IGF2BP1: variants seen among roughly 807,000 people sequenced by gnomAD.
IGF2BP1 encodes insulin like growth factor 2 mRNA binding protein 1.
In IGF2BP1, 11 loss-of-function variants were observed where a neutral mutation model predicts 74.9. That is an observed-to-expected ratio of 0.15 (90% CI 0.09 to 0.24). The LOEUF (loss-of-function observed/expected upper bound fraction) is 0.24, where lower values mean the gene tolerates loss of function less well. Ranked by LOEUF, IGF2BP1 falls within the 10% of genes least tolerant of loss-of-function variation. The pLI is 1.00. For missense variants in IGF2BP1, 440 were observed against 757.4 expected (o/e 0.58, Z 4.92); for synonymous variants, 287 against 281.8 (o/e 1.02, Z -0.18).
rs924490810 is a variant in IGF2BP1, at chr17:49,050,290, G to A, written c.*846G>A. The stretch of plus-strand genomic sequence containing the variant: ...TAGGTGGTATTGAATGCTCAGCAGG[G>A]TAGGGGCTGACCACTGTCCCTGATT... On this transcript the variant is annotated 3_prime_UTR_variant, in exon 15 of 15. Coordinates refer to ENST00000290341, the MANE Select transcript of IGF2BP1 (RefSeq NM_006546.4). 3.9e-5 allele frequency: 6 copies of A among 152,624 alleles called. No individual in the cohort carries two copies. Among genetic ancestry groups the A allele is most frequent in the Non-Finnish European group, 8.8e-5 (6 of 68,054 alleles). 9.5% of individuals were successfully genotyped at this position (152,624 alleles called of 1,614,324 possible). A position where few individuals can be genotyped will look rare whatever the true frequency, so the allele number is the denominator to read the frequency against.
chr17:49,011,307 T>G (rs1169354813), intron 2 of IGF2BP1, among the ~76,000 whole-genome samples: 3 of 152,080 alleles, frequency 2.0e-5, no homozygotes, highest in Non-Finnish European at 4.4e-5. Flanking sequence ...CACTCCTGTT[T>G]ATTTCTCTTC....
At chr17:48,998,272 C>T (rs2041433879) in intron 1 of IGF2BP1, among the ~76,000 whole-genome samples, 1 of 152,162 alleles carries the variant, frequency 6.6e-6, no homozygotes, top group African/African-American at 2.4e-5. Flanking sequence ...ATTTCCACGC[C>T]CAGCCCCTCC....
chr17:49,030,868 A>C (rs569882303), intron 4 of IGF2BP1, among the ~76,000 whole-genome samples: 1 of 152,158 alleles, frequency 6.6e-6, no homozygotes, highest in East Asian at 1.9e-4. Flanking sequence ...ACCTCAGGTG[A>C]TCTACCCGCC....
At chr17:49,010,551 C>A (rs192419469) in intron 2 of IGF2BP1, among the ~76,000 whole-genome samples, 1 of 151,994 alleles carries the variant, frequency 6.6e-6, no homozygotes. Flanking sequence ...CTCCTGACCT[C>A]GTGATCTGCC....
In IGF2BP1 at chr17:49,025,633, A is replaced by G. The variant is rs749491387; in HGVS notation, c.252A>G (p.Gln84=). 13 of 1,612,692 alleles carry G rather than the reference A, an allele frequency of 8.1e-6. No homozygotes were observed. The highest frequency in any genetic ancestry group is 1.3e-5 in the African/African-American group (1 of 74,918). The change falls in exon 3 of 15, where the codon CAA becomes CAG. Residue 84 remains glutamine, a synonymous_variant. Transcript: ENST00000290341. ...TTACTTTCAGGAGCCGGAAAATTCA[A>G]ATCCGAAATATTCCACCCCAGCTCC... ...VPKKQRSRKI[Q]IRNIPPQLRW...
chr17:49,017,010 T>C (rs1484741098), intron 2 of IGF2BP1, among the ~76,000 whole-genome samples: 1 of 149,766 alleles, frequency 6.7e-6, no homozygotes, highest in Non-Finnish European at 1.5e-5. Flanking sequence ...TCACCGCCTC[T>C]CCACCCTGTA....
chr17:49,003,199 C>A (rs780995873), intron 2 of IGF2BP1, among the ~76,000 whole-genome samples: 3 of 152,040 alleles, frequency 2.0e-5, no homozygotes, highest in Non-Finnish European at 4.4e-5. Context: ...ATTGGAAGAA[C>A]CTTGATTCAA....
At chr17:48,997,075 T>C (rs1194400368), upstream of IGF2BP1, among the ~76,000 whole-genome samples, 1 of 152,076 alleles carries the variant, frequency 6.6e-6, no homozygotes, top group Non-Finnish European at 1.5e-5. This position sits in a 1 kb window ranked among gnomAD's most constrained non-coding sequence, Gnocchi z 4.8. Flanking sequence ...ATTTTACCCT[T>C]TAAGACATGT....
intron 5 of IGF2BP1, 124 bp downstream of exon 5, chr17:49,032,097 A>G (rs2041928721): frequency 2.6e-6 from 2 of 782,104 alleles, no homozygotes; most frequent in East Asian, 2.5e-5. Context: ...CAGGGTTCTG[A>G]TATTAGCCCA....
rs115456809 is a variant in IGF2BP1 at position 49,048,017 on chromosome 17, C to T, written c.1642-1335C>T. Among the ~76,000 whole-genome samples the T allele has an allele frequency of 7.2e-3, 1,102 of 152,250 alleles. 12 individuals are homozygous for T. The highest frequency in any genetic ancestry group is 0.025 in the African/African-American group (1,050 of 41,536). On this transcript the variant is annotated intron_variant, in intron 14 of 14. Coordinates refer to ENST00000290341, the MANE Select transcript of IGF2BP1 (RefSeq NM_006546.4). ...AGGCATGAGCCACAATGCCCAGCCTCAGCTGCTTCTTTAACCAGGAAAGGA... is the reference window on the plus strand; with the variant it reads ...AGGCATGAGCCACAATGCCCAGCCTTAGCTGCTTCTTTAACCAGGAAAGGA...
intron 2 of IGF2BP1, among the ~76,000 whole-genome samples, chr17:49,008,159 T>G: frequency 7.1e-6 from 1 of 141,296 alleles, no homozygotes; most frequent in Non-Finnish European, 1.5e-5. Flanking sequence ...GTGACAAGAG[T>G]GAAATTCCAT....
intron 2 of IGF2BP1, among the ~76,000 whole-genome samples, chr17:49,002,014 G>C (rs1214890591): frequency 6.6e-6 from 1 of 152,028 alleles, no homozygotes; most frequent in Non-Finnish European, 1.5e-5. Context: ...AATAAAAGGT[G>C]TTACTGTTAA....
At chr17:49,015,333 C>G (rs2041684746) in intron 2 of IGF2BP1, among the ~76,000 whole-genome samples, 1 of 152,176 alleles carries the variant, frequency 6.6e-6, no homozygotes, top group African/African-American at 2.4e-5. Flanking sequence ...GGGGCGAGTG[C>G]TAAACCAGCA....
intron 4 of IGF2BP1, among the ~76,000 whole-genome samples, chr17:49,027,628 G>A (rs1001168344): frequency 8.0e-5 from 12 of 150,398 alleles, no homozygotes; most frequent in East Asian, 2.0e-4. Flanking sequence ...CGAGGCAGGC[G>A]GATCACGAGG....
intron 2 of IGF2BP1, among the ~76,000 whole-genome samples, chr17:49,004,019 T>TTCCTGGAGCGCTCGCCCCGGCCC (rs2041516855): frequency 2.6e-5 from 4 of 152,090 alleles, no homozygotes; most frequent in Non-Finnish European, 5.9e-5. Flanking sequence ...CTGCAGGCTC[T>TTCCTGGAGCGCTCGCCCCGGCCC]TCCTGGAGCG....
chr17:49,042,466 G>A, intron 9 of IGF2BP1, 89 bp downstream of exon 9: 1 of 1,429,130 alleles, frequency 7.0e-7, no homozygotes, highest in Non-Finnish European at 9.7e-7. Flanking sequence ...CATGTGCCCT[G>A]TGCCGTGTGG....
rs371956091 is a variant in IGF2BP1, at chr17:48,997,738, C to T, written c.-8C>T. On this transcript the variant is annotated 5_prime_UTR_variant, in exon 1 of 15. Coordinates refer to ENST00000290341, the MANE Select transcript of IGF2BP1 (RefSeq NM_006546.4). This position sits in a 1 kb window ranked among gnomAD's most constrained non-coding sequence, Gnocchi z 4.8. ...CCCGGGACCGCGTCCTGCCCCGAGA[C>T]CGCCACCATGAACAAGCTTTACATC... 2.5e-6 allele frequency: 4 copies of T among 1,612,114 alleles called. No homozygotes were observed. Among genetic ancestry groups the T allele is most frequent in the Non-Finnish European group, 3.4e-6 (4 of 1,178,906 alleles).
chr17:49,038,896 G>A (rs985365992), intron 6 of IGF2BP1, among the ~76,000 whole-genome samples: 1 of 51,988 alleles, frequency 1.9e-5, no homozygotes, highest in Admixed American at 2.1e-4. Flanking sequence ...TTTTTTTTTT[G>A]AGACAGAGTT....
At chr17:49,041,087 G>GA (rs2042047360) in intron 7 of IGF2BP1, among the ~76,000 whole-genome samples, 1 of 152,164 alleles carries the variant, frequency 6.6e-6, no homozygotes, top group Non-Finnish European at 1.5e-5. Context: ...GCTGAGAAGG[G>GA]AGGATCGCAT....
Sources: gnomAD v4.1 joint callset for allele counts (sites outside exome capture counted in the v4.1 genomes callset) on GRCh38, gnomAD v4.1.1 for gene constraint, Gnocchi (gnomAD v3.1) non-coding constraint, MANE v1.5 for transcripts, NCBI Gene and HGNC (gene_info 2026-07-23, HGNC 2026-07-21) for gene names.